Variants in CBY1 observed in about 807,000 individuals in gnomAD.
CBY1 encodes protein chibby homolog 1.
In CBY1, 10 loss-of-function variants were observed where a neutral mutation model predicts 15.6. The observed-to-expected ratio is 0.64, with a 90% CI of 0.40 to 1.09. The LOEUF is 1.09. Ranked by LOEUF, CBY1 falls within the 50% of genes least tolerant of loss-of-function variation. The pLI, the probability that CBY1 is intolerant of heterozygous loss-of-function variation, is 0.01. For missense variants in CBY1, 150 were observed against 160.5 expected (o/e 0.93, Z 0.35); for synonymous variants, 61 against 63.5 (o/e 0.96, Z 0.19).
intron 1 of CBY1, chr22:38,657,205 T>C (rs1200510571): frequency 3.2e-6 from 2 of 626,078 alleles, no homozygotes; most frequent in African/African-American, 4.0e-5. Flanking sequence ...GATTAGTGAT[T>C]AGTATCAGTA....
Position 38,673,296 on chromosome 22 carries a change from A to C in CBY1, c.*60A>C. 9.2e-7 allele frequency: 1 copy of C among 1,087,668 alleles called. No homozygotes were observed. The highest frequency in any genetic ancestry group is 1.4e-6 in the Non-Finnish European group (1 of 704,358). The allele number at this position is 1,087,668 out of a possible 1,614,324, so 67.4% of individuals were successfully genotyped here. On this transcript the variant is annotated 3_prime_UTR_variant, in exon 5 of 5. Transcript: ENST00000216029. ...GGCTGAGTGCTTTTTTTTTGGCCAGACTAGCGGATTCAGTCCTGGAAGAGA... is the reference window on the plus strand; with the variant it reads ...GGCTGAGTGCTTTTTTTTTGGCCAGCCTAGCGGATTCAGTCCTGGAAGAGA...
At chr22:38,667,129 G>A (rs1271810965) in intron 1 of CBY1, among the ~76,000 whole-genome samples, 1 of 151,722 alleles carries the variant, frequency 6.6e-6, no homozygotes, top group Non-Finnish European at 1.5e-5. Flanking sequence ...TCCCACCTAA[G>A]CCTACTGAAT....
intron 4 of CBY1, 143 bp from the exon 5 acceptor site, chr22:38,673,016 T>G: frequency 1.7e-6 from 1 of 600,206 alleles, no homozygotes; most frequent in Non-Finnish European, 3.1e-6. Context: ...TTCTACCCAG[T>G]TACAGAGGGT....
At chr22:38,665,777 G>GT in intron 1 of CBY1, 1 of 1,150,628 alleles carries the variant, frequency 8.7e-7, no homozygotes, top group Non-Finnish European at 1.1e-6. Flanking sequence ...GTTCACACCT[G>GT]TAATTCCAGC....
At chr22:38,672,281 A>G (rs1338616013) in intron 4 of CBY1, among the ~76,000 whole-genome samples, 1 of 151,336 alleles carries the variant, frequency 6.6e-6, no homozygotes, top group Non-Finnish European at 1.5e-5. Flanking sequence ...AAAAAGAAAA[A>G]GACTGACATT....
At chr22:38,669,308 C>T (rs541092432) in intron 2 of CBY1, among the ~76,000 whole-genome samples, 65 of 152,130 alleles carry the variant, frequency 4.3e-4, no homozygotes, top group Non-Finnish European at 7.9e-4. Context: ...GTGCTGCAGC[C>T]GCCCAAGCCC....
chr22:38,671,293 G>A, intron 4 of CBY1, 105 bp downstream of exon 4: 1 of 873,510 alleles, frequency 1.1e-6, no homozygotes, highest in Non-Finnish European at 1.9e-6. Context: ...GTTTGGCCAG[G>A]TACGTTGCTT....
At chr22:38,661,016 G>C (rs1270353353) in intron 1 of CBY1, among the ~76,000 whole-genome samples, 1 of 152,040 alleles carries the variant, frequency 6.6e-6, no homozygotes, top group Non-Finnish European at 1.5e-5. Flanking sequence ...TGGTGACATA[G>C]CATCAACCCC....
Position 38,665,422 on chromosome 22 carries a change from C to T in CBY1, c.-38-2595C>T, listed in dbSNP as rs932966511. 17 of 371,858 alleles carry T rather than the reference C, an allele frequency of 4.6e-5. No individual in the cohort carries two copies. In the East Asian group the frequency reaches 6.1e-4, roughly 13 times the overall value. The allele number at this position is 371,858 out of a possible 1,614,324, so 23.0% of individuals were successfully genotyped here. ...GAGGCTACAGTGAACAGAGATGGTA[C>T]CACTGCACTCCAACCTGGGGGACCA... On this transcript the variant is annotated intron_variant, in intron 1 of 4. Coordinates refer to ENST00000216029, the MANE Select transcript of CBY1 (RefSeq NM_015373.4).
intron 1 of CBY1, among the ~76,000 whole-genome samples, chr22:38,662,292 ACT>A (rs1048328881): frequency 7.1e-6 from 1 of 140,508 alleles, no homozygotes; most frequent in East Asian, 2.1e-4. Flanking sequence ...ACAGAATGAG[ACT>A]CTGTCTCAAA....
intron 1 of CBY1, among the ~76,000 whole-genome samples, chr22:38,662,955 G>A (rs2413543): frequency 0.96 from 145,696 of 152,042 alleles, 69,882 homozygotes; most frequent in East Asian, 1. Flanking sequence ...CACCATCTCT[G>A]CTAAAAGTAC....
chr22:38,657,912 A>G (rs2092406118), intron 1 of CBY1, among the ~76,000 whole-genome samples: 1 of 152,188 alleles, frequency 6.6e-6, no homozygotes, highest in African/African-American at 2.4e-5. Flanking sequence ...TTTTGTTCAT[A>G]AGTAATACAT....
At position 38,671,174 on chromosome 22, in the gene CBY1, A is replaced by G; in HGVS notation, c.289A>G (p.Ile97Val). Residue 97 changes from isoleucine to valine, a missense_variant, in exon 4 of 5, where the codon ATC (isoleucine) becomes GTC (valine). Transcript: ENST00000216029. ...CAATCTCTTGCGGCTGAAAGTGGAC[A>G]TCTTATTAGACATGGTGAGGCAGGT... ...ENNLLRLKVD[I>V]LLDMLSESTA... 4 of 1,612,470 alleles carry G rather than the reference A, an allele frequency of 2.5e-6. No homozygotes were observed. Among genetic ancestry groups the G allele is most frequent in the Non-Finnish European group, 2.5e-6 (3 of 1,178,540 alleles).
rs1191749290 is a variant in CBY1, at chr22:38,673,805, C to G, written c.*569C>G. ...ACAACAACACTATATTTTTATGCTA[C>G]TTTCCTGTTTGCACTACTACTTTTT... On this transcript the variant is annotated 3_prime_UTR_variant, in exon 5 of 5. Coordinates refer to ENST00000216029, the MANE Select transcript of CBY1 (RefSeq NM_015373.4). The G allele has an allele frequency of 6.6e-6, 1 of 152,540 alleles. No homozygotes were observed. Among genetic ancestry groups the G allele is most frequent in the East Asian group, 1.9e-4 (1 of 5,200 alleles). The allele number at this position is 152,540 out of a possible 1,614,324, so 9.4% of individuals were successfully genotyped here.
intron 1 of CBY1, among the ~76,000 whole-genome samples, chr22:38,659,047 T>C (rs1335309175): frequency 6.6e-6 from 1 of 151,982 alleles, no homozygotes; most frequent in African/African-American, 2.4e-5. Flanking sequence ...GCAATTCGCA[T>C]GCCTCAGCCT....
intron 2 of CBY1, chr22:38,668,743 G>GGCCATA (rs2092444268): frequency 6.5e-6 from 1 of 152,802 alleles, no homozygotes; most frequent in Non-Finnish European, 1.5e-5. Context: ...GACTGGCCAT[G>GGCCATA]TCTTCACAGA....
chr22:38,671,160 G>T lies in CBY1; in HGVS notation c.275G>T (p.Arg92Leu). 2 of 1,613,678 alleles carry T rather than the reference G, an allele frequency of 1.2e-6. No homozygotes were observed. The highest frequency in any genetic ancestry group is 1.7e-6 in the Non-Finnish European group (2 of 1,179,556). The change falls in exon 4 of 5, where the codon CGG becomes CTG. Residue 92 changes from arginine (R) to leucine (L), a missense_variant. Coordinates refer to ENST00000216029, the MANE Select transcript of CBY1 (RefSeq NM_015373.4). ...QQLEEENNLL[R>L]LKVDILLDML... is the part of the protein sequence containing the mutation. ...TTGGAGGAAGAGAACAATCTCTTGC[G>T]GCTGAAAGTGGACATCTTATTAGAC... is the stretch of plus-strand genomic sequence containing the variant.
intron 1 of CBY1, among the ~76,000 whole-genome samples, chr22:38,661,456 G>T (rs1039386830): frequency 6.6e-6 from 1 of 152,166 alleles, no homozygotes; most frequent in Non-Finnish European, 1.5e-5. Flanking sequence ...GATTACAGGC[G>T]TGAGCCACTG....
chr22:38,668,959 C>T (rs915911316), intron 2 of CBY1, among the ~76,000 whole-genome samples: 19 of 152,314 alleles, frequency 1.2e-4, no homozygotes, highest in African/African-American at 4.6e-4. Flanking sequence ...GCTCCCTTTC[C>T]TCTCTGCCAT....
Sources: gnomAD v4.1 joint callset for allele counts (sites outside exome capture counted in the v4.1 genomes callset) on GRCh38, gnomAD v4.1.1 for gene constraint, MANE v1.5 for transcripts, NCBI Gene and HGNC (gene_info 2026-07-23, HGNC 2026-07-21) for gene names.